The following COL21A1 variants were observed in gnomAD, a reference collection of about 807,000 sequenced individuals.
The protein encoded by COL21A1 is collagen type XXI alpha 1 chain, also known as collagen alpha-1(XXI) chain.
A neutral mutation model predicts 137.9 loss-of-function variants in COL21A1; 149 were observed. The observed-to-expected ratio is 1.08, with a 90% CI of 0.95 to 1.24. The LOEUF is 1.24. COL21A1 is among the 50% of genes most tolerant of loss of function. COL21A1 has a pLI of 0.00. For missense variants in COL21A1, 1,167 were observed against 1,158.4 expected (o/e 1.01, Z -0.11); for synonymous variants, 456 against 391.5 (o/e 1.16, Z -1.95).
intron 1 of COL21A1, among the ~76,000 whole-genome samples, chr6:56,212,174 A>G (rs1284800856): frequency 2.6e-5 from 4 of 152,076 alleles, no homozygotes; most frequent in African/African-American, 9.7e-5. Context: ...CTAGAAATGC[A>G]TTATGGTTCT....
chr6:56,261,150 C>A (rs1582739977), intron 1 of COL21A1, among the ~76,000 whole-genome samples: 1 of 152,110 alleles, frequency 6.6e-6, no homozygotes, highest in Admixed American at 6.5e-5. Context: ...AGTTCTCATG[C>A]CCCACCCTCT....
At chr6:56,267,281 A>G (rs1290338802) in intron 1 of COL21A1, among the ~76,000 whole-genome samples, 1 of 152,160 alleles carries the variant, frequency 6.6e-6, no homozygotes, top group Non-Finnish European at 1.5e-5. Flanking sequence ...CTTCCTAGTA[A>G]CATTGCCTGA....
At chr6:56,350,049 G>C (rs529285082) in intron 1 of COL21A1, among the ~76,000 whole-genome samples, 1 of 152,162 alleles carries the variant, frequency 6.6e-6, no homozygotes, top group African/African-American at 2.4e-5. Flanking sequence ...ACCAACTCCC[G>C]AAAGTCTGCT....
chr6:56,272,124 G>T (rs1194338774), intron 1 of COL21A1, among the ~76,000 whole-genome samples: 1 of 152,178 alleles, frequency 6.6e-6, no homozygotes, highest in Non-Finnish European at 1.5e-5. Flanking sequence ...TCAGAGAAAG[G>T]TAGATCCACT....
At chr6:56,232,307 C>T (rs1164332766) in intron 1 of COL21A1, among the ~76,000 whole-genome samples, 2 of 151,796 alleles carry the variant, frequency 1.3e-5, no homozygotes, top group Non-Finnish European at 2.9e-5. Context: ...TCTTAGAAAA[C>T]AAGAACAATA....
intron 1 of COL21A1, among the ~76,000 whole-genome samples, chr6:56,348,412 T>G (rs909133480): frequency 6.6e-6 from 1 of 152,174 alleles, no homozygotes; most frequent in Non-Finnish European, 1.5e-5. Context: ...TTTTGTCCCC[T>G]GGAAACACTT....
chr6:56,378,021 G>A (rs757568125), intron 1 of COL21A1, among the ~76,000 whole-genome samples: 38 of 152,086 alleles, frequency 2.5e-4, no homozygotes, highest in African/African-American at 8.4e-4. Flanking sequence ...AGCAGCATTC[G>A]TCACCTGCTA....
At chr6:56,273,873 A>T (rs933771348) in intron 1 of COL21A1, among the ~76,000 whole-genome samples, 1 of 152,196 alleles carries the variant, frequency 6.6e-6, no homozygotes, top group Non-Finnish European at 1.5e-5. Flanking sequence ...TCCCTAACTC[A>T]TTCTATGATG....
At chr6:56,174,387 C>CT (rs1777296182) in intron 3 of COL21A1, among the ~76,000 whole-genome samples, 1 of 151,874 alleles carries the variant, frequency 6.6e-6, no homozygotes, top group Non-Finnish European at 1.5e-5. Context: ...CTAAGAGTTG[C>CT]TTTTTTGGAA....
chr6:56,255,903 GGTTC>G (rs1442844525), intron 1 of COL21A1, among the ~76,000 whole-genome samples: 4 of 152,132 alleles, frequency 2.6e-5, no homozygotes, highest in African/African-American at 9.7e-5. Flanking sequence ...GGCTCCATAG[GGTTC>G]TTCTGAACCT....
chr6:56,097,999 A>C (rs1484960077), intron 17 of COL21A1, among the ~76,000 whole-genome samples: 1 of 1,688 alleles, frequency 5.9e-4, no homozygotes, highest in African/African-American at 2.4e-3. Context: ...ATATGTAAAT[A>C]TATAAATATA....
At chr6:56,252,303 A>C (rs1427378948), upstream of COL21A1, among the ~76,000 whole-genome samples, 1 of 152,168 alleles carries the variant, frequency 6.6e-6, no homozygotes, top group Non-Finnish European at 1.5e-5. Flanking sequence ...TGGATGGAGG[A>C]GTCTTTTCTG....
intron 1 of COL21A1, among the ~76,000 whole-genome samples, chr6:56,193,630 T>C (rs1439252516): frequency 6.6e-6 from 1 of 152,156 alleles, no homozygotes; most frequent in Non-Finnish European, 1.5e-5. Context: ...ACCAGATGTG[T>C]TATATCTGTA....
chr6:56,125,035 T>G (rs1286026974), intron 14 of COL21A1, among the ~76,000 whole-genome samples: 6 of 126,042 alleles, frequency 4.8e-5, no homozygotes, highest in African/African-American at 1.8e-4. Context: ...TTTTTTTTTT[T>G]TTTGAGACGG....
At chr6:56,180,680 G>A (rs1453588701) in intron 2 of COL21A1, among the ~76,000 whole-genome samples, 3 of 152,182 alleles carry the variant, frequency 2.0e-5, no homozygotes, top group East Asian at 3.8e-4. Flanking sequence ...ATAAGCAGTT[G>A]TGGAAAGAAA....
chr6:56,230,418 TA>T (rs1232930639), intron 1 of COL21A1, among the ~76,000 whole-genome samples: 3 of 151,906 alleles, frequency 2.0e-5, no homozygotes, highest in African/African-American at 2.4e-5. Flanking sequence ...TCTCCTAAAA[TA>T]AAAAAAGTCA....
rs1777988147 is a variant in COL21A1 at position 56,182,615 on chromosome 6, C to T, written c.4G>A (p.Ala2Thr). 5.0e-6 allele frequency: 8 copies of T among 1,596,552 alleles called. No homozygotes were observed. The South Asian group carries it at 6.8e-5, about 14-fold the overall frequency. MAHYITFLCMVL... is the reference protein window; with the variant it reads MTHYITFLCMVL... ...ATGCAGAGAAATGTAATATAGTGAGCCATGTTTCTGTTTTCGTTCTAATAT... is the reference window on the plus strand; with the variant it reads ...ATGCAGAGAAATGTAATATAGTGAGTCATGTTTCTGTTTTCGTTCTAATAT... The change falls in exon 2 of 30, where the codon GCT becomes ACT. Residue 2 changes from alanine (A) to threonine (T), a missense_variant. Ala to Thr is a moderately conservative substitution (Grantham distance 58, BLOSUM62 0). Transcript: ENST00000244728.
At chr6:56,168,958 T>C (rs559067429) in intron 5 of COL21A1, among the ~76,000 whole-genome samples, 1 of 152,044 alleles carries the variant, frequency 6.6e-6, no homozygotes, top group East Asian at 1.9e-4. Context: ...TCAGGATGTT[T>C]CACAATTAGC....
At chr6:56,123,411 C>T (rs867648850) in intron 16 of COL21A1, among the ~76,000 whole-genome samples, 1 of 152,056 alleles carries the variant, frequency 6.6e-6, no homozygotes, top group Non-Finnish European at 1.5e-5. Context: ...ACCTACAGAC[C>T]AAGAAAATTT....
Sources: allele counts gnomAD v4.1 joint callset (sites outside exome capture counted in the v4.1 genomes callset), GRCh38; gene constraint gnomAD v4.1.1; transcripts MANE v1.5; gene names NCBI Gene and HGNC (gene_info 2026-07-23, HGNC 2026-07-21).